The following TECTB variants were observed in gnomAD, a reference collection of about 807,000 sequenced individuals.
The protein encoded by TECTB is tectorin beta.
In TECTB, 45 loss-of-function variants were observed where a neutral mutation model predicts 43.3. The observed-to-expected ratio is 1.04, with a 90% CI of 0.82 to 1.33. The LOEUF is 1.33. Among genes scored for constraint, TECTB ranks in the 40% most tolerant of loss-of-function variants. TECTB has a pLI of 0.00. For synonymous variants in TECTB, 169 were observed against 156.7 expected (o/e 1.08, Z -0.59); for missense variants, 399 against 404.7 (o/e 0.99, Z 0.12).
rs58045803 is a variant in TECTB at position 112,300,256 on chromosome 10, A to G, written c.907+692A>G. On this transcript the variant is annotated intron_variant, in intron 9 of 10. Transcript: ENST00000646139. ...AAAGAAAGAAAGAAAGAAAGAAAGA[A>G]AGAAAGAAAGAAAGAAAGAAAGAAA... Among the ~76,000 whole-genome samples the G allele has an allele frequency of 3.7e-3, 143 of 38,574 alleles. 11 individuals are homozygous for G. The South Asian group carries it at 0.12, about 31-fold the overall frequency. The allele number at this position is 38,574 out of a possible 152,430, so 25.3% of individuals were successfully genotyped here. A position where few individuals can be genotyped will look rare whatever the true frequency, so the allele number is the denominator to read the frequency against.
chr10:112,294,484 T>C (rs1848528670), intron 7 of TECTB, among the ~76,000 whole-genome samples: 1 of 152,198 alleles, frequency 6.6e-6, no homozygotes, highest in South Asian at 2.1e-4. Context: ...ACGGTGATGA[T>C]GACTAAATTA....
chr10:112,289,324 C>T (rs947792396), intron 5 of TECTB, among the ~76,000 whole-genome samples: 3 of 152,038 alleles, frequency 2.0e-5, no homozygotes, highest in African/African-American at 4.8e-5. Context: ...TCCTTTTAGA[C>T]AGATAGAAAT....
rs1589635379 is a variant in TECTB at position 112,284,690 on chromosome 10, C to T, written c.232C>T (p.Pro78Ser). The stretch of plus-strand genomic sequence containing the variant: ...CCAATTTGTGATCCCAGATTTATCA[C>T]CTAAAAACAAGTCCTATTGTGGAAC... ...YYQFVIPDLSPKNKSYCGTQS... is the reference protein window; with the variant it reads ...YYQFVIPDLSSKNKSYCGTQS... The change falls in exon 3 of 11, where the codon CCT (proline) becomes TCT (serine). Residue 78 changes from proline (P) to serine (S), a missense_variant. Transcript: ENST00000646139. 1 of 1,610,138 alleles carries T rather than the reference C, an allele frequency of 6.2e-7. No homozygotes were observed. The highest frequency in any genetic ancestry group is 1.1e-5 in the South Asian group (1 of 90,106).
chr10:112,293,651 C>T (rs1848518835), intron 5 of TECTB, 87 bp from the exon 6 acceptor site: 2 of 1,196,258 alleles, frequency 1.7e-6, no homozygotes, highest in African/African-American at 1.5e-5. Flanking sequence ...ATTCTCATCC[C>T]CACCCCATCC....
rs1554854200 is a variant in TECTB, at chr10:112,300,230, T to TAAAGAAAGAAAG, written c.907+706_907+717dup. On this transcript the variant is annotated intron_variant, in intron 9 of 10. Transcript: ENST00000646139. ...AGACAGACAGACAGACAGAAAGAAA[T>TAAAGAAAGAAAG]AAAGAAAGAAAGAAAGAAAGAAAGA... 2.5e-3 allele frequency among the ~76,000 whole-genome samples: 140 copies of TAAAGAAAGAAAG among 55,028 alleles called. 1 individual carries two copies. The highest frequency in any genetic ancestry group is 8.1e-3 in the Middle Eastern group (1 of 124). The allele number at this position is 55,028 out of a possible 152,430, so 36.1% of individuals were successfully genotyped here. A position where few individuals can be genotyped will look rare whatever the true frequency, so the allele number is the denominator to read the frequency against.
intron 7 of TECTB, among the ~76,000 whole-genome samples, chr10:112,295,269 G>A (rs900265519): frequency 6.6e-6 from 1 of 152,126 alleles, no homozygotes; most frequent in African/African-American, 2.4e-5. Context: ...AGCTATTTTG[G>A]ACCTCTATTT....
At chr10:112,297,275 C>A (rs1848556854) in intron 7 of TECTB, among the ~76,000 whole-genome samples, 1 of 152,072 alleles carries the variant, frequency 6.6e-6, no homozygotes, top group Non-Finnish European at 1.5e-5. Context: ...ATCACAGTGC[C>A]AAATGTCCCC....
intron 5 of TECTB, among the ~76,000 whole-genome samples, chr10:112,290,677 T>A (rs542769830): frequency 6.6e-6 from 1 of 152,194 alleles, no homozygotes; most frequent in South Asian, 2.1e-4. Context: ...TCTCAAAATA[T>A]GACAAATCTC....
At chr10:112,293,685 C>T in intron 5 of TECTB, 53 bp from the exon 6 acceptor site, 1 of 1,531,680 alleles carries the variant, frequency 6.5e-7, no homozygotes, top group Non-Finnish European at 9.0e-7. Context: ...CCTGGTAGAC[C>T]TAGCTGCTCA....
At chr10:112,299,587 GTTTTCCA>G (rs1294358924) in intron 9 of TECTB, 23 bp downstream of exon 9, 3 of 798,726 alleles carry the variant, frequency 3.8e-6, no homozygotes, top group East Asian at 3.5e-5. Flanking sequence ...GTTTTCCTCT[GTTTTCCA>G]AACGGTTGAG....
chr10:112,283,565 C>A (rs992001106), intron 1 of TECTB, 69 bp downstream of exon 1: 3 of 621,098 alleles, frequency 4.8e-6, no homozygotes, highest in Non-Finnish European at 8.3e-6. Context: ...CATCGTTTAT[C>A]TCCCTTGAAA....
chr10:112,296,902 G>A (rs1228425672), intron 7 of TECTB, among the ~76,000 whole-genome samples: 1 of 152,138 alleles, frequency 6.6e-6, no homozygotes, highest in Non-Finnish European at 1.5e-5. Context: ...CTGCTATGGT[G>A]CTATTCAGTG....
intron 5 of TECTB, among the ~76,000 whole-genome samples, chr10:112,292,395 A>C (rs1848506657): frequency 6.6e-6 from 1 of 151,934 alleles, no homozygotes; most frequent in South Asian, 2.1e-4. Flanking sequence ...TTGCTGCCCC[A>C]CTGCACTCAG....
rs1217279209 is a variant in TECTB at position 112,294,201 on chromosome 10, C to A, written c.671+140C>A. 1.1e-5 allele frequency: 8 copies of A among 708,614 alleles called. No individual in the cohort carries two copies. The South Asian group carries it at 1.2e-4, about 11-fold the overall frequency. 43.9% of individuals were successfully genotyped at this position (708,614 alleles called of 1,614,324 possible). A position where few individuals can be genotyped will look rare whatever the true frequency, so the allele number is the denominator to read the frequency against. ...CAGTGACACCATCTGTGGTTCCAGG[C>A]AAAGAACAAATACTAAGAAACAGGA... On this transcript the variant is annotated intron_variant, in intron 7 of 10. Coordinates refer to ENST00000646139, the MANE Select transcript of TECTB (RefSeq NM_058222.3).
intron 10 of TECTB, 117 bp downstream of exon 10, chr10:112,302,250 C>G: frequency 6.3e-6 from 8 of 1,274,826 alleles, no homozygotes; most frequent in Non-Finnish European, 7.8e-6. Context: ...GAAAATTATA[C>G]TTTAAAGCAC....
Position 112,292,943 on chromosome 10 carries a change from C to T in TECTB, c.484-795C>T, listed in dbSNP as rs562097497. 1.4e-4 allele frequency among the ~76,000 whole-genome samples: 22 copies of T among 152,336 alleles called. 1 individual carries two copies. The South Asian group carries it at 4.3e-3, about 30-fold the overall frequency. The stretch of plus-strand genomic sequence containing the variant: ...GATAGCTACATGGCCCCCCTCCTCA[C>T]TTCCTCCAAATCTTGCTCAAATGTC... On this transcript the variant is annotated intron_variant, in intron 5 of 10. Transcript: ENST00000646139.
intron 7 of TECTB, among the ~76,000 whole-genome samples, chr10:112,297,772 T>C (rs182132864): frequency 2.3e-3 from 349 of 152,280 alleles, no homozygotes; most frequent in Non-Finnish European, 3.5e-3. Context: ...GAGGGCCTTA[T>C]CTCCTAGGGA....
intron 8 of TECTB, 97 bp from the exon 9 acceptor site, chr10:112,299,395 C>T: frequency 1.6e-6 from 2 of 1,233,308 alleles, no homozygotes; most frequent in East Asian, 2.4e-5. Flanking sequence ...CCATTTGTGA[C>T]CTTTTTAAAA....
In TECTB at chr10:112,303,443, A is replaced by C; in HGVS notation, c.*131A>C. On this transcript the variant is annotated 3_prime_UTR_variant, in exon 11 of 11. Coordinates refer to ENST00000646139, the MANE Select transcript of TECTB (RefSeq NM_058222.3). ...GGGGGCAGAGAATAGCACTTTGCCA[A>C]ATATGCACTCCAATAATTTCTGTGA... 9.2e-7 allele frequency: 1 copy of C among 1,087,628 alleles called. No homozygotes were observed. The highest frequency in any genetic ancestry group is 1.4e-6 in the Non-Finnish European group (1 of 724,128). 67.4% of individuals were successfully genotyped at this position (1,087,628 alleles called of 1,614,324 possible). A position where few individuals can be genotyped will look rare whatever the true frequency, so the allele number is the denominator to read the frequency against.
Sources: allele counts gnomAD v4.1 joint callset (sites outside exome capture counted in the v4.1 genomes callset), GRCh38; gene constraint gnomAD v4.1.1; transcripts MANE v1.5; gene names NCBI Gene and HGNC (gene_info 2026-07-23, HGNC 2026-07-21).